The following TTC34 variants were observed in gnomAD, a reference collection of about 807,000 sequenced individuals.
The protein encoded by TTC34 is tetratricopeptide repeat domain 34, also known as tetratricopeptide repeat protein 34.
In TTC34, 44 loss-of-function variants were observed where a neutral mutation model predicts 40.7. That is an observed-to-expected ratio of 1.08 (90% CI 0.85 to 1.39). The LOEUF is 1.39. Among genes scored for constraint, TTC34 ranks in the 40% most tolerant of loss-of-function variants. The probability of loss-of-function intolerance (pLI) is 0.00; values close to 1 mark genes in which losing one functional copy is unlikely to be tolerated. For missense variants in TTC34, 884 were observed against 838.0 expected (o/e 1.05, Z -0.68); for synonymous variants, 422 against 398.6 (o/e 1.06, Z -0.70).
chr1:2,749,967 C>T (rs1401771468), intron 6 of TTC34, among the ~76,000 whole-genome samples: 1 of 58,514 alleles, frequency 1.7e-5, no homozygotes, highest in Non-Finnish European at 3.0e-5. Context: ...ACACACACCG[C>T]CAGGTGAGCA....
At chr1:2,697,664 C>CAT (rs1640930027) in intron 6 of TTC34, among the ~76,000 whole-genome samples, 9 of 143,432 alleles carry the variant, frequency 6.3e-5, no homozygotes, top group South Asian at 2.2e-4. Flanking sequence ...GAGCATCTGA[C>CAT]CGCATGGAAT....
intron 6 of TTC34, among the ~76,000 whole-genome samples, chr1:2,652,370 A>G (rs1639170682): frequency 3.3e-5 from 5 of 149,574 alleles, no homozygotes; most frequent in Admixed American, 6.6e-5. Context: ...GCACACCCCC[A>G]GGTGAGCATC....
At chr1:2,700,023 G>C (rs1252062263) in intron 6 of TTC34, among the ~76,000 whole-genome samples, 8 of 121,146 alleles carry the variant, frequency 6.6e-5, no homozygotes, top group African/African-American at 2.2e-4. Context: ...CCCCAGGTGA[G>C]CATCTGATAG....
intron 6 of TTC34, among the ~76,000 whole-genome samples, chr1:2,648,366 G>C (rs1297005613): frequency 2.0e-5 from 3 of 152,154 alleles, no homozygotes; most frequent in African/African-American, 7.2e-5. Context: ...GCTAGGGGAG[G>C]ATTCGTTTTT....
At chr1:2,794,323 T>C (rs1643693133) in intron 2 of TTC34, among the ~76,000 whole-genome samples, 1 of 152,210 alleles carries the variant, frequency 6.6e-6, no homozygotes, top group Non-Finnish European at 1.5e-5. Flanking sequence ...TATTCTTTAT[T>C]ATCTTTCAAT....
chr1:2,652,062 C>T (rs1350500024), intron 6 of TTC34, among the ~76,000 whole-genome samples: 3 of 44,794 alleles, frequency 6.7e-5, no homozygotes, highest in Admixed American at 2.5e-4. Flanking sequence ...GAGCATCTGA[C>T]AGCCTGGAGG....
intron 6 of TTC34, among the ~76,000 whole-genome samples, chr1:2,688,430 G>A (rs559787895): frequency 2.7e-5 from 3 of 110,546 alleles, no homozygotes; most frequent in African/African-American, 8.7e-5. Flanking sequence ...GCATCCGACA[G>A]CCTGGAGCAG....
At chr1:2,646,508 C>T (rs375756412) in intron 6 of TTC34, among the ~76,000 whole-genome samples, 27 of 152,302 alleles carry the variant, frequency 1.8e-4, no homozygotes, top group East Asian at 5.8e-4. Context: ...CTTCTGCCTC[C>T]GGAGTAGCTG....
At chr1:2,758,460 TG>T in intron 6 of TTC34, among the ~76,000 whole-genome samples, 1 of 84,102 alleles carries the variant, frequency 1.2e-5, no homozygotes. Flanking sequence ...CATGACAGCC[TG>T]GAAGAGCACC....
chr1:2,685,761 A>C (rs1316932815), intron 6 of TTC34, among the ~76,000 whole-genome samples: 83 of 102,750 alleles, frequency 8.1e-4, no homozygotes, highest in African/African-American at 1.4e-3. Context: ...ACCCACACCC[A>C]CAGGTGAGCA....
At chr1:2,756,683 G>A (rs1641517828) in intron 6 of TTC34, among the ~76,000 whole-genome samples, 2 of 2,078 alleles carry the variant, frequency 9.6e-4, no homozygotes, top group African/African-American at 2.9e-3. Context: ...GTGAGCAGCT[G>A]AAATCCTGGA....
intron 2 of TTC34, among the ~76,000 whole-genome samples, chr1:2,791,607 C>T (rs1472353042): frequency 1.3e-5 from 2 of 152,186 alleles, no homozygotes; most frequent in Non-Finnish European, 2.9e-5. Context: ...TGCAAGCAGC[C>T]ACAAGGTCAC....
At chr1:2,767,533 A>T (rs1294775373) in intron 6 of TTC34, among the ~76,000 whole-genome samples, 6 of 134,708 alleles carry the variant, frequency 4.5e-5, no homozygotes, top group Non-Finnish European at 6.4e-5. Flanking sequence ...CTTCCAGGTG[A>T]GAATCTGACG....
intron 6 of TTC34, among the ~76,000 whole-genome samples, chr1:2,657,445 G>T (rs1368301219): frequency 2.2e-5 from 2 of 89,054 alleles, no homozygotes; most frequent in Non-Finnish European, 5.7e-5. Flanking sequence ...CTGAACTCAT[G>T]GAGCAGCACC....
chr1:2,685,420 T>G (rs1243836045), intron 6 of TTC34, among the ~76,000 whole-genome samples: 1 of 96,528 alleles, frequency 1.0e-5, no homozygotes, highest in African/African-American at 5.0e-5. Context: ...CATCGGAGAG[T>G]CTGGAGCAGC....
At chr1:2,652,978 C>A (rs992480983) in intron 6 of TTC34, among the ~76,000 whole-genome samples, 235 of 149,576 alleles carry the variant, frequency 1.6e-3, no homozygotes, top group Non-Finnish European at 2.2e-3. Flanking sequence ...CCCAGGTGAG[C>A]ATGTGACAGC....
chr1:2,765,710 G>A (rs1333930122), intron 6 of TTC34, among the ~76,000 whole-genome samples: 17 of 10,562 alleles, frequency 1.6e-3, no homozygotes, highest in African/African-American at 3.7e-3. Flanking sequence ...GGAGCAGCAT[G>A]CACACCCCCA....
intron 6 of TTC34, among the ~76,000 whole-genome samples, chr1:2,682,107 C>T (rs1252959919): frequency 8.7e-6 from 1 of 114,758 alleles, no homozygotes; most frequent in Non-Finnish European, 1.9e-5. Context: ...GCACCCACAC[C>T]CCCAGGTGAG....
chr1:2,640,027 G>A (rs1557576223), exon 9 of TTC34: 1 of 152,382 alleles, frequency 6.6e-6, no homozygotes, highest in Non-Finnish European at 1.5e-5. Context: ...GATCCCAGAA[G>A]CGAAGTGGGT....
Sources: gnomAD v4.1 joint callset for allele counts (sites outside exome capture counted in the v4.1 genomes callset) on GRCh38, gnomAD v4.1.1 for gene constraint, MANE v1.5 for transcripts, NCBI Gene and HGNC (gene_info 2026-07-23, HGNC 2026-07-21) for gene names.